The following HS6ST3 variants were observed in gnomAD, a reference collection of about 807,000 sequenced individuals.
HS6ST3 encodes the protein heparan sulfate 6-O-sulfotransferase 3, also known as heparan-sulfate 6-O-sulfotransferase 3.
Under a neutral mutation model 36.7 loss-of-function variants are expected in HS6ST3, and 12 were observed. The observed-to-expected ratio is 0.33, with a 90% confidence interval of 0.21 to 0.53. HS6ST3 has a LOEUF of 0.53. Ranked by LOEUF, HS6ST3 falls within the 20% of genes least tolerant of loss-of-function variation. The pLI is 0.95. For missense variants in HS6ST3, 584 were observed against 640.9 expected (o/e 0.91, Z 0.96); for synonymous variants, 240 against 257.5 (o/e 0.93, Z 0.65).
intron 1 of HS6ST3, among the ~76,000 whole-genome samples, chr13:96,487,709 C>A (rs2055922411): frequency 6.6e-6 from 1 of 152,014 alleles, no homozygotes; most frequent in East Asian, 1.9e-4. Flanking sequence ...CAGGTGTGAT[C>A]AATATTTAAA....
intron 1 of HS6ST3, among the ~76,000 whole-genome samples, chr13:96,316,257 CTGTGTGTGTGTG>C (rs10534465): frequency 0.086 from 12,691 of 147,178 alleles, 591 homozygotes; most frequent in Non-Finnish European, 0.097. Flanking sequence ...CTACATACAC[CTGTGTGTGTGTG>C]TGTGTGTGTG....
intron 1 of HS6ST3, among the ~76,000 whole-genome samples, chr13:96,494,181 G>C (rs2055960967): frequency 6.6e-6 from 1 of 151,998 alleles, no homozygotes. Context: ...AATAAAATGT[G>C]GCACCTATAC....
At chr13:96,326,960 G>A (rs2055035490) in intron 1 of HS6ST3, among the ~76,000 whole-genome samples, 1 of 149,448 alleles carries the variant, frequency 6.7e-6, no homozygotes, top group Non-Finnish European at 1.5e-5. Flanking sequence ...TGTGTTTTTT[G>A]GCTGCATAAA....
At chr13:96,214,464 AAAAT>A in intron 1 of HS6ST3, among the ~76,000 whole-genome samples, 1 of 152,200 alleles carries the variant, frequency 6.6e-6, no homozygotes, top group Admixed American at 6.5e-5. Flanking sequence ...ATAATTTTTT[AAAAT>A]AAAAGCTTTG....
intron 1 of HS6ST3, among the ~76,000 whole-genome samples, chr13:96,192,349 T>C (rs1331468135): frequency 6.6e-6 from 1 of 152,196 alleles, no homozygotes; most frequent in African/African-American, 2.4e-5. Flanking sequence ...TACATGGATA[T>C]ATTTCATGCT....
intron 1 of HS6ST3, among the ~76,000 whole-genome samples, chr13:96,828,914 A>G (rs1287946108): frequency 6.6e-6 from 1 of 152,242 alleles, no homozygotes; most frequent in East Asian, 1.9e-4. Flanking sequence ...GAATGAATAA[A>G]GTATCTCCTT....
At chr13:96,760,410 T>C (rs1478256772) in intron 1 of HS6ST3, among the ~76,000 whole-genome samples, 1 of 152,094 alleles carries the variant, frequency 6.6e-6, no homozygotes, top group African/African-American at 2.4e-5. Flanking sequence ...ATATTTTTGC[T>C]CCATTTTACT....
intron 1 of HS6ST3, among the ~76,000 whole-genome samples, chr13:96,314,702 T>C (rs1028703108): frequency 2.0e-5 from 3 of 152,186 alleles, no homozygotes; most frequent in Non-Finnish European, 2.9e-5. Flanking sequence ...AATTCAGAAT[T>C]ATTCAATTCA....
chr13:96,215,932 G>T (rs992886487), intron 1 of HS6ST3, among the ~76,000 whole-genome samples: 1 of 152,178 alleles, frequency 6.6e-6, no homozygotes, highest in Non-Finnish European at 1.5e-5. Flanking sequence ...TTGACAATTG[G>T]TAGTTGTTGC....
intron 1 of HS6ST3, among the ~76,000 whole-genome samples, chr13:96,181,638 C>T (rs1055808277): frequency 1.3e-5 from 2 of 152,080 alleles, no homozygotes; most frequent in African/African-American, 4.8e-5. Flanking sequence ...ACATTCGACT[C>T]GGAAGGCTGA....
chr13:96,661,404 T>G (rs1270445199), intron 1 of HS6ST3, among the ~76,000 whole-genome samples: 1 of 152,110 alleles, frequency 6.6e-6, no homozygotes. Flanking sequence ...AGTTATTGAG[T>G]TAAAGGTTGT....
intron 1 of HS6ST3, among the ~76,000 whole-genome samples, chr13:96,127,068 C>T (rs2053955637): frequency 6.6e-6 from 1 of 152,300 alleles, no homozygotes; most frequent in Non-Finnish European, 1.5e-5. Context: ...GTTTGGCACT[C>T]TATTTCATAC....
intron 1 of HS6ST3, among the ~76,000 whole-genome samples, chr13:96,561,273 A>G (rs2056261082): frequency 6.6e-6 from 1 of 152,226 alleles, no homozygotes; most frequent in Non-Finnish European, 1.5e-5. Flanking sequence ...CCACAAAATA[A>G]GAAATGGGGA....
chr13:96,212,252 C>T (rs985258164), intron 1 of HS6ST3, among the ~76,000 whole-genome samples: 36 of 152,052 alleles, frequency 2.4e-4, no homozygotes, highest in Admixed American at 2.3e-3. Context: ...AACATGAAGG[C>T]GTTATATACG....
chr13:96,454,604 A>G (rs4456362), intron 1 of HS6ST3, among the ~76,000 whole-genome samples: 47,993 of 151,882 alleles, frequency 0.32, 9,371 homozygotes, highest in Non-Finnish European at 0.44. Flanking sequence ...GGCGTTTGCT[A>G]AAGGAGCAGA....
intron 1 of HS6ST3, among the ~76,000 whole-genome samples, chr13:96,541,523 C>T (rs536892640): frequency 6.6e-6 from 1 of 152,260 alleles, no homozygotes; most frequent in South Asian, 2.1e-4. Context: ...GGGCTTAACA[C>T]ATAAGGAGAC....
chr13:96,565,057 G>A (rs986502625), intron 1 of HS6ST3, among the ~76,000 whole-genome samples: 6 of 151,822 alleles, frequency 4.0e-5, no homozygotes, highest in Non-Finnish European at 8.8e-5. Context: ...TCTCAAACAT[G>A]GAGAGCTCGG....
At chr13:96,141,079 C>T (rs952999185) in intron 1 of HS6ST3, among the ~76,000 whole-genome samples, 1 of 152,078 alleles carries the variant, frequency 6.6e-6, no homozygotes, top group Admixed American at 6.5e-5. Flanking sequence ...AAAAGAATGT[C>T]ACAAAAGATA....
At chr13:96,687,689 G>C (rs989468938) in intron 1 of HS6ST3, among the ~76,000 whole-genome samples, 8 of 151,920 alleles carry the variant, frequency 5.3e-5, no homozygotes, top group Non-Finnish European at 1.0e-4. Context: ...ATAAGGGCAG[G>C]TGTGGTGGTT....
Sources: gnomAD v4.1 joint callset for allele counts (sites outside exome capture counted in the v4.1 genomes callset) on GRCh38, gnomAD v4.1.1 for gene constraint, MANE v1.5 for transcripts, NCBI Gene and HGNC (gene_info 2026-07-23, HGNC 2026-07-21) for gene names.